BRI3: variants seen among roughly 807,000 people sequenced by gnomAD.
The protein encoded by BRI3 is brain protein I3.
BRI3 carries 6 observed loss-of-function variants against 12.8 expected under a neutral mutation model. That is an observed-to-expected ratio of 0.47 (90% CI 0.26 to 0.93). BRI3 has a LOEUF of 0.93. Ranked by LOEUF, BRI3 falls within the 40% of genes least tolerant of loss-of-function variation. The probability of loss-of-function intolerance (pLI) is 0.15; values close to 1 mark genes in which losing one functional copy is unlikely to be tolerated. For missense variants in BRI3, 134 were observed against 171.1 expected, an observed-to-expected ratio of 0.78 and a Z score of 1.21; for synonymous variants, 91 against 76.1, an observed-to-expected ratio of 1.20 and a Z score of -1.02.
downstream of BRI3, among the ~76,000 whole-genome samples, chr7:98,293,782 A>G (rs981275878): frequency 6.6e-6 from 1 of 152,156 alleles, no homozygotes; most frequent in Non-Finnish European, 1.5e-5. Context: ...ACACCATACC[A>G]CCTGCTGCAG....
At chr7:98,321,048 G>C in the BRI3 span, among the ~76,000 whole-genome samples, 1 of 151,888 alleles carries the variant, frequency 6.6e-6, no homozygotes, top group East Asian at 1.9e-4. Context: ...TTGTGGGGAG[G>C]GTTTTTCACC....
Position 98,282,346 on chromosome 7 carries a change from C to A in BRI3, c.143-5C>A. 1 of 1,612,640 alleles carries A rather than the reference C, an allele frequency of 6.2e-7. No homozygotes were observed. Among genetic ancestry groups the A allele is most frequent in the Non-Finnish European group, 8.5e-7 (1 of 1,178,722 alleles). ...CACCCTAATGACCTGCTTTCCCGCC[C>A]ACAGGGATACCCACCCACCATCCCA... On this transcript the variant is annotated splice_region_variant and splice_polypyrimidine_tract_variant and intron_variant, in intron 1 of 2. Coordinates refer to ENST00000297290, the MANE Select transcript of BRI3 (RefSeq NM_015379.5).
downstream of BRI3, among the ~76,000 whole-genome samples, chr7:98,311,868 T>C (rs1800885602): frequency 6.6e-6 from 1 of 152,116 alleles, no homozygotes; most frequent in Non-Finnish European, 1.5e-5. Context: ...ATCACTCCAC[T>C]GTACTCCAGC....
Position 98,291,402 on chromosome 7 carries a change from G to C in BRI3, c.*159G>C, listed in dbSNP as rs1799948692. On this transcript the variant is annotated 3_prime_UTR_variant, in exon 3 of 3. Transcript: ENST00000297290. ...CTGCGGTTTCCCGGAGCGTGGAGAG[G>C]CAGTGCTGCTGCTCCCGCCCGAGGC... is the stretch of plus-strand genomic sequence containing the variant. 1 of 1,457,126 alleles carries C rather than the reference G, an allele frequency of 6.9e-7. No individual in the cohort carries two copies. The highest frequency in any genetic ancestry group is 1.4e-5 in the African/African-American group (1 of 70,144). The allele number at this position is 1,457,126 out of a possible 1,614,324, so 90.3% of individuals were successfully genotyped here.
downstream of BRI3, chr7:98,292,456 T>C (rs1469685660): frequency 1.6e-5 from 10 of 615,694 alleles, no homozygotes; most frequent in Admixed American, 5.9e-5. Context: ...TTCCCGTACC[T>C]GGGCCGGGCT....
chr7:98,310,821 G>C (rs1800841864), downstream of BRI3, among the ~76,000 whole-genome samples: 1 of 152,098 alleles, frequency 6.6e-6, no homozygotes, highest in South Asian at 2.1e-4. Flanking sequence ...TGAGTAGCTG[G>C]ATAACAGGCA....
At chr7:98,290,135 GATGT>G in intron 2 of BRI3, among the ~76,000 whole-genome samples, 1 of 150,212 alleles carries the variant, frequency 6.7e-6, no homozygotes, top group Admixed American at 6.6e-5. Context: ...TCTAAGAGCA[GATGT>G]ATGTGGCTTG....
chr7:98,309,511 T>C (rs929524995), exon 2 of BRI3: 1 of 152,174 alleles, frequency 6.6e-6, no homozygotes, highest in Non-Finnish European at 1.5e-5. Context: ...TCTGAATCAC[T>C]GGGATGCACA....
At chr7:98,298,505 C>T (rs930408995) in intron 1 of BRI3, among the ~76,000 whole-genome samples, 6 of 151,772 alleles carry the variant, frequency 4.0e-5, no homozygotes, top group Non-Finnish European at 7.4e-5. Flanking sequence ...CCCAGCTACT[C>T]GGGAGGCTGA....
chr7:98,307,854 G>A lies in BRI3; in HGVS notation n.484G>A. ...CTTCTTCATCATGTTCAGTCCCGTT[G>A]CAACCGAAACTGATCGCTGTAAACT... On this transcript the variant is annotated non_coding_transcript_exon_variant, in exon 2 of 2. Transcript: ENST00000485422. 6.2e-7 allele frequency: 1 copy of A among 1,614,230 alleles called. No homozygotes were observed.
exon 1 of BRI3, chr7:98,306,561 T>TGGA (rs1228642552): frequency 6.2e-7 from 1 of 1,613,804 alleles, no homozygotes; most frequent in Admixed American, 1.7e-5. Context: ...AGTAGACATG[T>TGGA]GGACGGCAAC....
At chr7:98,293,624 A>G (rs755231551), downstream of BRI3, 5 of 1,598,388 alleles carry the variant, frequency 3.1e-6, no homozygotes, top group African/African-American at 2.7e-5. Context: ...AATCTTTCAG[A>G]ACTTCTGCTC....
chr7:98,304,226 G>A (rs528998595), upstream of BRI3: 5 of 1,610,636 alleles, frequency 3.1e-6, no homozygotes, highest in South Asian at 3.3e-5. Context: ...TGGACGCTGG[G>A]GCCTTAAAGG....
upstream of BRI3, chr7:98,304,154 G>A (rs1800538128): frequency 2.3e-5 from 34 of 1,505,152 alleles, no homozygotes; most frequent in Non-Finnish European, 2.8e-5. Context: ...GTCGGGGATG[G>A]CGAGTCCAGG....
chr7:98,299,203 G>C (rs757547457), intron 1 of BRI3, among the ~76,000 whole-genome samples: 13 of 151,954 alleles, frequency 8.6e-5, no homozygotes, highest in Middle Eastern at 3.2e-3. Flanking sequence ...ATTTTTAGTA[G>C]AGACAGGGTT....
downstream of BRI3, among the ~76,000 whole-genome samples, chr7:98,314,951 T>C (rs2116886604): frequency 6.6e-6 from 1 of 152,356 alleles, no homozygotes; most frequent in Non-Finnish European, 1.5e-5. Context: ...GTATTATTAA[T>C]TTATTAAACA....
chr7:98,303,887 A>C (rs1172903516), upstream of BRI3, among the ~76,000 whole-genome samples: 1 of 152,250 alleles, frequency 6.6e-6, no homozygotes, highest in Non-Finnish European at 1.5e-5. Flanking sequence ...TGGCTAGAAG[A>C]CTGCAGCCAG....
upstream of BRI3, chr7:98,304,200 G>A: frequency 1.3e-6 from 2 of 1,588,890 alleles, no homozygotes; most frequent in Non-Finnish European, 1.7e-6. Flanking sequence ...ACTCACAGGA[G>A]CCGCGGTCTC....
In BRI3 at chr7:98,291,237, C is replaced by T. The variant is rs142425398; in HGVS notation, c.372C>T (p.Phe124=). 2.2e-4 allele frequency: 349 copies of T among 1,613,110 alleles called. 1 individual carries two copies. The highest frequency in any genetic ancestry group is 2.2e-3 in the African/African-American group (162 of 75,008). The change falls in exon 3 of 3, where the codon TTC becomes TTT. Residue 124 remains phenylalanine (F), a synonymous_variant. Coordinates refer to ENST00000297290, the MANE Select transcript of BRI3 (RefSeq NM_015379.5). ...KRRCPNCGAT[F]A ...GATGCCCCAACTGTGGAGCCACCTTCGCTTAAAGGGAACACCAGGCCCGGC... is the reference window on the plus strand; with the variant it reads ...GATGCCCCAACTGTGGAGCCACCTTTGCTTAAAGGGAACACCAGGCCCGGC...
Sources: allele counts gnomAD v4.1 joint callset (sites outside exome capture counted in the v4.1 genomes callset), GRCh38; gene constraint gnomAD v4.1.1; transcripts MANE v1.5; gene names NCBI Gene and HGNC (gene_info 2026-07-23, HGNC 2026-07-21).